APBB2: variants seen among roughly 807,000 people sequenced by gnomAD.
The protein encoded by APBB2 is Fe65-like 1.
A neutral mutation model predicts 82.5 loss-of-function variants in APBB2; 38 were observed. The observed-to-expected ratio is 0.46, with a 90% CI of 0.36 to 0.60. The LOEUF is 0.60. APBB2 is among the 20% of genes least tolerant of loss of function. APBB2 has a pLI of 0.00. For synonymous variants in APBB2, 341 were observed against 368.2 expected, an observed-to-expected ratio of 0.93 and a Z score of 0.85; for missense variants, 772 against 972.3, an observed-to-expected ratio of 0.79 and a Z score of 2.74.
intron 6 of APBB2, among the ~76,000 whole-genome samples, chr4:40,978,907 A>T (rs1302434652): frequency 6.7e-6 from 1 of 149,292 alleles, no homozygotes; most frequent in Non-Finnish European, 1.5e-5. Context: ...CAGATTAATA[A>T]GAGTACTTGG....
At chr4:41,203,011 TCCTGTTTTCTTTAC>T (rs1179352169) in intron 1 of APBB2, among the ~76,000 whole-genome samples, 3 of 152,034 alleles carry the variant, frequency 2.0e-5, no homozygotes, top group Non-Finnish European at 4.4e-5. Context: ...CTAATGAAAA[TCCTGTTTTCTTTAC>T]AGGAAATAAA....
At chr4:40,837,096 A>G (rs1754199713) in intron 12 of APBB2, among the ~76,000 whole-genome samples, 1 of 152,190 alleles carries the variant, frequency 6.6e-6, no homozygotes, top group East Asian at 1.9e-4. Context: ...CTTTGTAGTA[A>G]ACACACCTCC....
intron 3 of APBB2, among the ~76,000 whole-genome samples, chr4:41,083,687 A>AT: frequency 4.1e-4 from 1 of 2,412 alleles, no homozygotes; most frequent in Non-Finnish European, 1.4e-3. Flanking sequence ...ACTCTGTCTC[A>AT]AAAAAAAAAA....
At chr4:41,006,352 G>A (rs1384617477) in intron 6 of APBB2, among the ~76,000 whole-genome samples, 1 of 152,208 alleles carries the variant, frequency 6.6e-6, no homozygotes, top group Non-Finnish European at 1.5e-5. Context: ...TCTCAACTGA[G>A]AAGACATAAC....
At chr4:40,884,315 CTA>C (rs914901075) in intron 12 of APBB2, among the ~76,000 whole-genome samples, 1 of 152,162 alleles carries the variant, frequency 6.6e-6, no homozygotes, top group African/African-American at 2.4e-5. Context: ...ATCTAAAAAC[CTA>C]TGAGTCAAAG....
chr4:40,856,758 G>T (rs894822839), intron 12 of APBB2, among the ~76,000 whole-genome samples: 1 of 152,226 alleles, frequency 6.6e-6, no homozygotes, highest in Non-Finnish European at 1.5e-5. Context: ...GGCGAATTGG[G>T]GGTCCAAGGA....
At chr4:41,018,653 G>A (rs779550027) in intron 5 of APBB2, among the ~76,000 whole-genome samples, 3 of 152,154 alleles carry the variant, frequency 2.0e-5, no homozygotes, top group Non-Finnish European at 4.4e-5. Context: ...CCGAGAAGGC[G>A]ATGACTATGA....
intron 1 of APBB2, among the ~76,000 whole-genome samples, chr4:41,196,066 A>G: frequency 7.2e-5 from 11 of 151,974 alleles, no homozygotes; most frequent in East Asian, 5.8e-4. Context: ...GGCTGAGGCA[A>G]GAGAATGGCG....
intron 12 of APBB2, among the ~76,000 whole-genome samples, chr4:40,839,811 T>C (rs1755223539): frequency 6.6e-6 from 1 of 151,978 alleles, no homozygotes; most frequent in Non-Finnish European, 1.5e-5. Context: ...ATTACAAGCG[T>C]GTGACACCAT....
chr4:40,958,780 AT>A (rs1219607293), intron 6 of APBB2, among the ~76,000 whole-genome samples: 1 of 152,112 alleles, frequency 6.6e-6, no homozygotes, highest in Non-Finnish European at 1.5e-5. Context: ...TGATTTTTAA[AT>A]TTTTTGTAGA....
intron 12 of APBB2, among the ~76,000 whole-genome samples, chr4:40,853,708 C>T (rs185352984): frequency 1.3e-5 from 2 of 152,026 alleles, no homozygotes; most frequent in South Asian, 2.1e-4. Context: ...CCACCTGCCT[C>T]GACCTCCCAA....
intron 1 of APBB2, among the ~76,000 whole-genome samples, chr4:41,194,313 C>T: frequency 1.3e-5 from 2 of 152,124 alleles, no homozygotes; most frequent in African/African-American, 2.4e-5. Context: ...CAGAGCGAAA[C>T]TCTCTCTCAA....
intron 3 of APBB2, among the ~76,000 whole-genome samples, chr4:41,075,946 T>C (rs1266701630): frequency 6.6e-6 from 1 of 152,198 alleles, no homozygotes; most frequent in Non-Finnish European, 1.5e-5. Context: ...TTGAACTGAA[T>C]CTCACAAGTT....
chr4:40,984,122 G>C (rs767854216), intron 6 of APBB2, among the ~76,000 whole-genome samples: 1 of 152,152 alleles, frequency 6.6e-6, no homozygotes, highest in Non-Finnish European at 1.5e-5. Context: ...AGGGATGGCC[G>C]GATGAGGTTT....
intron 2 of APBB2, among the ~76,000 whole-genome samples, chr4:41,123,101 G>GCT (rs150789404): frequency 4.3e-3 from 637 of 148,854 alleles, no homozygotes; most frequent in African/African-American, 0.013. Context: ...TCTTGCCCCA[G>GCT]CTCTCTCTCT....
intron 12 of APBB2, among the ~76,000 whole-genome samples, chr4:40,834,495 G>A (rs1460614773): frequency 1.3e-5 from 2 of 151,914 alleles, no homozygotes; most frequent in African/African-American, 4.8e-5. Context: ...TGAAAAGCCT[G>A]CCTTTTTGGC....
Position 40,829,528 on chromosome 4 carries a change from T to A in APBB2, c.1644+935A>T, listed in dbSNP as rs558004119. On this transcript the variant is annotated intron_variant, in intron 13 of 17. Transcript: ENST00000508593. ...AGAGAATTGGGGGACCTTTCTCTGC[T>A]GCTACAGATGGCAGATCTCCAGTCA... 1.5e-3 allele frequency among the ~76,000 whole-genome samples: 233 copies of A among 152,306 alleles called. 1 individual carries two copies. Among genetic ancestry groups the A allele is most frequent in the South Asian group, 5.8e-3 (28 of 4,824 alleles).
At chr4:41,051,639 C>T (rs1192942213) in intron 4 of APBB2, among the ~76,000 whole-genome samples, 1 of 152,154 alleles carries the variant, frequency 6.6e-6, no homozygotes, top group Non-Finnish European at 1.5e-5. Flanking sequence ...TTTCCACGGT[C>T]GCCTCTAGGC....
rs1482994184 is a variant in APBB2, at chr4:40,826,952, T to C, written c.1732+180A>G. 9 of 586,754 alleles carry C rather than the reference T, an allele frequency of 1.5e-5. No homozygotes were observed. The highest frequency in any genetic ancestry group is 2.4e-5 in the Non-Finnish European group (8 of 327,990). 36.3% of individuals were successfully genotyped at this position (586,754 alleles called of 1,614,324 possible). A position where few individuals can be genotyped will look rare whatever the true frequency, so the allele number is the denominator to read the frequency against. ...CTCATCCTGGCTTTATGCCTAACCC[T>C]AGTGATGCAAAATCAACTCTGTGCC... is the stretch of plus-strand genomic sequence containing the variant. On this transcript the variant is annotated intron_variant, in intron 14 of 17. Coordinates refer to ENST00000508593, the MANE Select transcript of APBB2 (RefSeq NM_004307.2). The surrounding 1 kb of genome is among the most constrained non-coding windows in gnomAD (Gnocchi z 4.5).
Sources: allele counts gnomAD v4.1 joint callset (sites outside exome capture counted in the v4.1 genomes callset), GRCh38; gene constraint gnomAD v4.1.1; non-coding constraint Gnocchi (gnomAD v3.1); transcripts MANE v1.5; gene names NCBI Gene and HGNC (gene_info 2026-07-23, HGNC 2026-07-21).